The following NELL1 variants were observed in gnomAD, a reference collection of about 807,000 sequenced individuals.
NELL1 encodes the protein protein kinase C-binding protein NELL1.
In NELL1, 76 loss-of-function variants were observed where a neutral mutation model predicts 107.4. That is an observed-to-expected ratio of 0.71 (90% CI 0.59 to 0.86). The LOEUF (loss-of-function observed/expected upper bound fraction) is 0.86. NELL1 is among the 40% of genes least tolerant of loss of function. The probability of loss-of-function intolerance (pLI) is 0.00; values close to 1 mark genes in which losing one functional copy is unlikely to be tolerated. For synonymous variants in NELL1, 353 were observed against 341.2 expected (o/e 1.03, Z -0.38); for missense variants, 1,024 against 1,005.5 (o/e 1.02, Z -0.25).
chr11:21,455,638 T>C lies in NELL1; in HGVS notation c.1646-78736T>C, dbSNP rs372332642. 2.4e-4 allele frequency among the ~76,000 whole-genome samples: 36 copies of C among 152,264 alleles called. No homozygotes were observed. In the South Asian group the frequency reaches 7.2e-3, roughly 31 times the overall value. ...GAGGACAACCATGCCCAGCAAACTT[T>C]TTGAGATTATTTTGTTAATCCCTGG... On this transcript the variant is annotated intron_variant, in intron 15 of 19. Transcript: ENST00000357134.
chr11:20,895,453 G>C (rs1441840656), intron 5 of NELL1, among the ~76,000 whole-genome samples: 2 of 147,408 alleles, frequency 1.4e-5, no homozygotes, highest in African/African-American at 5.0e-5. Context: ...CTCTAGCTGT[G>C]TATTCAAATT....
chr11:21,131,812 T>C (rs1855624622), intron 13 of NELL1, among the ~76,000 whole-genome samples: 1 of 152,194 alleles, frequency 6.6e-6, no homozygotes, highest in African/African-American at 2.4e-5. Flanking sequence ...GTGGTGTTTG[T>C]TTTGCTGAAT....
chr11:21,302,565 T>G (rs1849516440), intron 14 of NELL1, among the ~76,000 whole-genome samples: 1 of 151,992 alleles, frequency 6.6e-6, no homozygotes, highest in South Asian at 2.1e-4. Flanking sequence ...ACCTATAATA[T>G]TATTATTTTG....
intron 2 of NELL1, among the ~76,000 whole-genome samples, chr11:20,746,936 G>A (rs1031278907): frequency 3.9e-5 from 6 of 152,136 alleles, no homozygotes; most frequent in African/African-American, 1.2e-4. Context: ...ACTATTCCAG[G>A]CTGATAAAAC....
intron 13 of NELL1, among the ~76,000 whole-genome samples, chr11:21,131,107 A>G (rs1238353527): frequency 6.6e-6 from 1 of 152,164 alleles, no homozygotes; most frequent in Non-Finnish European, 1.5e-5. Flanking sequence ...CTAATGCTGG[A>G]ACTTTTGCCT....
intron 2 of NELL1, among the ~76,000 whole-genome samples, chr11:20,683,364 G>A (rs932961497): frequency 1.3e-5 from 2 of 151,848 alleles, no homozygotes; most frequent in Non-Finnish European, 2.9e-5. Flanking sequence ...TTGTTATATG[G>A]GTAAATTATG....
intron 16 of NELL1, among the ~76,000 whole-genome samples, chr11:21,551,276 G>A (rs1856575747): frequency 6.6e-6 from 1 of 152,032 alleles, no homozygotes; most frequent in Non-Finnish European, 1.5e-5. Flanking sequence ...ATACAATCAT[G>A]TCATCTGCAA....
rs562390631 is a variant in NELL1 at position 20,897,052 on chromosome 11, G to A, written c.603+11512G>A. Reference sequence around the variant, plus strand: ...ACCAATGCCTTTCTTCACAGAATTGGAAAAAACTACTTTAAAGTTCCTATG... The same window carrying A: ...ACCAATGCCTTTCTTCACAGAATTGAAAAAAACTACTTTAAAGTTCCTATG... On this transcript the variant is annotated intron_variant, in intron 5 of 19. Transcript: ENST00000357134. Among the ~76,000 whole-genome samples, 16 of 152,158 alleles carry A rather than the reference G, an allele frequency of 1.1e-4. No homozygotes were observed. In the South Asian group the frequency reaches 3.1e-3, roughly 30 times the overall value.
intron 9 of NELL1, among the ~76,000 whole-genome samples, chr11:20,936,576 A>G (rs1850730052): frequency 6.6e-6 from 1 of 152,192 alleles, no homozygotes. Flanking sequence ...AAGGGGGTCT[A>G]GGTTCTTTAT....
rs1027095175 is a variant in NELL1, at chr11:20,746,599, CACACACACGT to C, written c.185-37080_185-37071del. 5.7e-5 allele frequency among the ~76,000 whole-genome samples: 6 copies of C among 104,542 alleles called. No individual in the cohort carries two copies. In the Admixed American group the frequency reaches 6.8e-4, roughly 12 times the overall value. 68.6% of individuals were successfully genotyped at this position (104,542 alleles called of 152,430 possible). A position where few individuals can be genotyped will look rare whatever the true frequency, so the allele number is the denominator to read the frequency against. On this transcript the variant is annotated intron_variant, in intron 2 of 19. Coordinates refer to ENST00000357134, the MANE Select transcript of NELL1 (RefSeq NM_006157.5). ...ACACACACACACACACACACACACA[CACACACACGT>C]GGAATTGAACATTGCCCTTTTCTCA...
chr11:21,297,258 A>G (rs932631066), intron 14 of NELL1, among the ~76,000 whole-genome samples: 2 of 152,022 alleles, frequency 1.3e-5, no homozygotes, highest in African/African-American at 4.8e-5. Flanking sequence ...TCAGGGTGAT[A>G]TGGTCATAGA....
intron 16 of NELL1, among the ~76,000 whole-genome samples, chr11:21,549,630 A>G (rs532348557): frequency 6.6e-6 from 1 of 151,966 alleles, no homozygotes; most frequent in Admixed American, 6.6e-5. Context: ...ATTAATGAGT[A>G]CATTGGCCCC....
Position 20,895,271 on chromosome 11 carries a change from CAAAAAAAAAAAAAAAAAAAAAAAA to C in NELL1, c.603+9751_603+9774del, listed in dbSNP as rs1156409312. On this transcript the variant is annotated intron_variant, in intron 5 of 19. Coordinates refer to ENST00000357134, the MANE Select transcript of NELL1 (RefSeq NM_006157.5). ...TGGGCGACAGAGCGAGACTCCGTCTCAAAAAAAAAAAAAAAAAAAAAAAAAAAAAAAAAAAAAAAAAAAGAAATT... is the reference window on the plus strand; with the variant it reads ...TGGGCGACAGAGCGAGACTCCGTCTCAAAAAAAAAAAAAAAAAAAGAAATT... 7.7e-3 allele frequency among the ~76,000 whole-genome samples: 81 copies of C among 10,482 alleles called. 1 individual carries two copies. Among genetic ancestry groups the C allele is most frequent in the East Asian group, 0.041 (16 of 388 alleles). 6.9% of individuals were successfully genotyped at this position (10,482 alleles called of 152,430 possible). A position where few individuals can be genotyped will look rare whatever the true frequency, so the allele number is the denominator to read the frequency against.
At chr11:21,195,558 TAAGAA>T (rs1175080178) in intron 13 of NELL1, among the ~76,000 whole-genome samples, 2 of 57,936 alleles carry the variant, frequency 3.5e-5, no homozygotes, top group South Asian at 1.0e-3. Flanking sequence ...TTAGCCACAT[TAAGAA>T]AAGTAAAAAA....
At chr11:21,045,333 AAG>A (rs893540735) in intron 12 of NELL1, among the ~76,000 whole-genome samples, 3 of 152,166 alleles carry the variant, frequency 2.0e-5, no homozygotes, top group African/African-American at 4.8e-5. Flanking sequence ...GGTTTGAGGG[AAG>A]AGAGTGTTGA....
At chr11:21,514,446 A>G (rs948973410) in intron 15 of NELL1, among the ~76,000 whole-genome samples, 1 of 152,196 alleles carries the variant, frequency 6.6e-6, no homozygotes, top group East Asian at 1.9e-4. Flanking sequence ...TCTGTCAAGT[A>G]TGAGTAAAGT....
rs528978459 is a variant in NELL1 at position 20,788,482 on chromosome 11, A to AT, written c.335+4654dup. Among the ~76,000 whole-genome samples, 80 of 152,270 alleles carry AT rather than the reference A, an allele frequency of 5.3e-4. No individual in the cohort carries two copies. In the South Asian group the frequency reaches 0.016, roughly 30 times the overall value. ...ATGTTGAGTATCTTTTCATAAGCTT[A>AT]TTGACGATTTGTGTATCTTTGGAGA... is the stretch of plus-strand genomic sequence containing the variant. On this transcript the variant is annotated intron_variant, in intron 3 of 19. Transcript: ENST00000357134.
intron 5 of NELL1, among the ~76,000 whole-genome samples, chr11:20,905,742 AAAAGAAAAATGAAT>A (rs1388002153): frequency 6.6e-6 from 1 of 152,108 alleles, no homozygotes; most frequent in Admixed American, 6.6e-5. Flanking sequence ...CTGTGGAGCA[AAAAGAAAAATGAAT>A]AAAGAAAAAT....
chr11:21,159,916 G>T (rs1856325332), intron 13 of NELL1, among the ~76,000 whole-genome samples: 1 of 152,104 alleles, frequency 6.6e-6, no homozygotes, highest in Non-Finnish European at 1.5e-5. Flanking sequence ...GTTCTATTTA[G>T]CTGTGACCAA....
Sources: gnomAD v4.1 joint callset for allele counts (sites outside exome capture counted in the v4.1 genomes callset) on GRCh38, gnomAD v4.1.1 for gene constraint, MANE v1.5 for transcripts, NCBI Gene and HGNC (gene_info 2026-07-23, HGNC 2026-07-21) for gene names.